Variants in IPPK observed in about 807,000 individuals in gnomAD.
The protein encoded by IPPK is IPK1 homolog.
IPPK carries 22 observed loss-of-function variants against 64.6 expected under a neutral mutation model. That is an observed-to-expected ratio of 0.34 (90% CI 0.24 to 0.49). The LOEUF (loss-of-function observed/expected upper bound fraction) is 0.49, where lower values mean the gene tolerates loss of function less well. Among genes scored for constraint, IPPK ranks in the 20% least tolerant of loss-of-function variants. The probability of loss-of-function intolerance (pLI) is 0.99; values close to 1 mark genes in which losing one functional copy is unlikely to be tolerated. For missense variants in IPPK, 532 were observed against 630.7 expected (o/e 0.84, Z 1.68); for synonymous variants, 262 against 247.2 (o/e 1.06, Z -0.56).
intron 1 of IPPK, among the ~76,000 whole-genome samples, chr9:92,662,323 C>T (rs987773461): frequency 1.3e-5 from 2 of 152,192 alleles, no homozygotes; most frequent in African/African-American, 2.4e-5. Flanking sequence ...GTCGGGAGTT[C>T]GAGACCAGCC....
intron 4 of IPPK, among the ~76,000 whole-genome samples, chr9:92,651,273 G>A (rs371689818): frequency 4.6e-5 from 7 of 152,272 alleles, no homozygotes; most frequent in Middle Eastern, 3.4e-3. Flanking sequence ...GCTGTGCTCC[G>A]GGCAGAGGCA....
In IPPK at chr9:92,635,047, C is replaced by T. The variant is rs766640642; in HGVS notation, c.1067+111G>A. On this transcript the variant is annotated intron_variant, in intron 10 of 12. Coordinates refer to ENST00000287996, the MANE Select transcript of IPPK (RefSeq NM_022755.6). This position sits in a 1 kb window ranked among gnomAD's most constrained non-coding sequence, Gnocchi z 4.4. ...GCGGAGGACTGGGGTAGGAAGTGGC[C>T]GGCATGCTTCATCCTCCTGGGAAGC... 9.2e-6 allele frequency: 10 copies of T among 1,082,876 alleles called. No homozygotes were observed. In the East Asian group the frequency reaches 1.0e-4, roughly 11 times the overall value. 67.1% of individuals were successfully genotyped at this position (1,082,876 alleles called of 1,614,324 possible).
intron 9 of IPPK, among the ~76,000 whole-genome samples, chr9:92,636,020 C>T (rs1193145452): frequency 6.6e-6 from 1 of 152,134 alleles, no homozygotes; most frequent in South Asian, 2.1e-4. Context: ...GGGACAGAGG[C>T]AGAAACAAAA....
At position 92,665,726 on chromosome 9, in the gene IPPK, G is replaced by A. The variant is rs978538879; in HGVS notation, c.81+4182C>T. Among the ~76,000 whole-genome samples, 9 of 152,082 alleles carry A rather than the reference G, an allele frequency of 5.9e-5. 1 individual carries two copies. In the South Asian group the frequency reaches 1.9e-3, roughly 32 times the overall value. On this transcript the variant is annotated intron_variant, in intron 1 of 12. Transcript: ENST00000287996. Reference sequence around the variant, plus strand: ...TGTAACCTGCTTTTTCTACGTAACTGTAAACACATCCTCATATAAAGGACT... The same window carrying A: ...TGTAACCTGCTTTTTCTACGTAACTATAAACACATCCTCATATAAAGGACT...
intron 7 of IPPK, 110 bp from the exon 8 acceptor site, chr9:92,640,892 T>TA: frequency 1.3e-6 from 1 of 785,618 alleles, no homozygotes; most frequent in South Asian, 1.4e-5. Context: ...CAGGGGCCGC[T>TA]GGGAAACCCA....
intron 11 of IPPK, among the ~76,000 whole-genome samples, chr9:92,632,731 T>A (rs553777109): frequency 6.6e-6 from 1 of 152,312 alleles, no homozygotes; most frequent in Admixed American, 6.5e-5. Flanking sequence ...CTGTGGCCCT[T>A]TGCGTCAGAG....
chr9:92,643,721 T>C (rs1330126682), intron 6 of IPPK, among the ~76,000 whole-genome samples: 1 of 152,240 alleles, frequency 6.6e-6, no homozygotes, highest in Non-Finnish European at 1.5e-5. Flanking sequence ...AAAGTACATA[T>C]GGCATGATCC....
At chr9:92,637,938 G>C in intron 9 of IPPK, 63 bp downstream of exon 9, 2 of 1,440,198 alleles carry the variant, frequency 1.4e-6, no homozygotes, top group South Asian at 2.9e-5. Context: ...CCACCCATGG[G>C]GACTGCAGAG....
chr9:92,641,895 G>C (rs552426793), intron 7 of IPPK, among the ~76,000 whole-genome samples: 1 of 152,316 alleles, frequency 6.6e-6, no homozygotes, highest in East Asian at 1.9e-4. Flanking sequence ...CAGTAACAGG[G>C]GTCCCAGGGA....
chr9:92,639,421 C>T lies in IPPK; in HGVS notation c.637-1141G>A, dbSNP rs59524182. Among the ~76,000 whole-genome samples, 298 of 152,296 alleles carry T rather than the reference C, an allele frequency of 2.0e-3. 1 individual carries two copies. The highest frequency in any genetic ancestry group is 6.8e-3 in the African/African-American group (282 of 41,554). ...TCAATACTGAACCGGACCAGATCGGCGGGAGAGCTGATGGAACGCACAGTA... is the reference window on the plus strand; with the variant it reads ...TCAATACTGAACCGGACCAGATCGGTGGGAGAGCTGATGGAACGCACAGTA... On this transcript the variant is annotated intron_variant, in intron 8 of 12. Transcript: ENST00000287996.
intron 6 of IPPK, among the ~76,000 whole-genome samples, chr9:92,647,845 T>C (rs1290939542): frequency 6.6e-6 from 1 of 152,168 alleles, no homozygotes; most frequent in African/African-American, 2.4e-5. Flanking sequence ...TGAGTATGAT[T>C]GCATCACTGC....
chr9:92,640,007 G>A (rs867364027), intron 8 of IPPK, among the ~76,000 whole-genome samples: 6 of 152,292 alleles, frequency 3.9e-5, no homozygotes, highest in African/African-American at 1.2e-4. Flanking sequence ...TCCAGACCAC[G>A]GCACATAGGA....
chr9:92,616,100 T>C, intron 12 of IPPK, 43 bp from the exon 13 acceptor site: 2 of 1,355,904 alleles, frequency 1.5e-6, no homozygotes, highest in Non-Finnish European at 2.1e-6. Flanking sequence ...AAGCCCCCCA[T>C]TCATTTCCCT....
chr9:92,663,610 G>C (rs1852532648), intron 1 of IPPK, among the ~76,000 whole-genome samples: 1 of 152,156 alleles, frequency 6.6e-6, no homozygotes, highest in Non-Finnish European at 1.5e-5. Flanking sequence ...AATAAAAATA[G>C]AAGGCCACAA....
chr9:92,626,049 T>C (rs1587621381), intron 11 of IPPK, among the ~76,000 whole-genome samples: 1 of 151,144 alleles, frequency 6.6e-6, no homozygotes, highest in East Asian at 2.0e-4. Flanking sequence ...TAGAAAAAAA[T>C]ACCAAGGAGA....
rs564823323 is a variant in IPPK at position 92,648,632 on chromosome 9, G to A, written c.415-484C>T. Among the ~76,000 whole-genome samples the A allele has an allele frequency of 2.0e-5, 3 of 152,326 alleles. No homozygotes were observed. In the South Asian group the frequency reaches 6.2e-4, roughly 32 times the overall value. ...AGCCTCTGAGCATACACCACACGCAGGCCTGTGCTGAGCCTCGGGCACTGG... is the reference window on the plus strand; with the variant it reads ...AGCCTCTGAGCATACACCACACGCAAGCCTGTGCTGAGCCTCGGGCACTGG... On this transcript the variant is annotated intron_variant, in intron 5 of 12. Coordinates refer to ENST00000287996, the MANE Select transcript of IPPK (RefSeq NM_022755.6).
chr9:92,627,836 G>A (rs374682208), intron 11 of IPPK, among the ~76,000 whole-genome samples: 1 of 152,020 alleles, frequency 6.6e-6, no homozygotes, highest in African/African-American at 2.4e-5. Context: ...TTGTACTGGA[G>A]GCTCTAGTCA....
At chr9:92,649,953 G>C (rs753920048) in intron 4 of IPPK, among the ~76,000 whole-genome samples, 1 of 150,740 alleles carries the variant, frequency 6.6e-6, no homozygotes, top group South Asian at 2.1e-4. Context: ...TTGAACCCTA[G>C]AGACGGAGGT....
rs201221822 is a variant in IPPK at position 92,615,868 on chromosome 9, T to C, written c.1440A>G (p.Glu480=). 1 of 1,614,124 alleles carries C rather than the reference T, an allele frequency of 6.2e-7. No individual in the cohort carries two copies. The highest frequency in any genetic ancestry group is 8.5e-7 in the Non-Finnish European group (1 of 1,179,982). The change falls in exon 13 of 13, where the codon GAA becomes GAG. Residue 480 remains glutamate (E), a synonymous_variant. Coordinates refer to ENST00000287996, the MANE Select transcript of IPPK (RefSeq NM_022755.6). ...DNAVMSTRFK[E]SEDCTLVLHK... ...GGAGAACTAATGTGCAATCTTCGCT[T>C]TCCTTGAACCGAGTCGACATCACGG...
Sources: gnomAD v4.1 joint callset for allele counts (sites outside exome capture counted in the v4.1 genomes callset) on GRCh38, gnomAD v4.1.1 for gene constraint, Gnocchi (gnomAD v3.1) non-coding constraint, MANE v1.5 for transcripts, NCBI Gene and HGNC (gene_info 2026-07-23, HGNC 2026-07-21) for gene names.